CCDC7: variants seen among roughly 807,000 people sequenced by gnomAD.
CCDC7 encodes coiled-coil domain containing 7.
CCDC7 carries 183 observed loss-of-function variants against 196.9 expected under a neutral mutation model. The observed-to-expected ratio is 0.93, with a 90% CI of 0.82 to 1.05. The LOEUF is 1.05. Ranked by LOEUF, CCDC7 falls within the 50% of genes least tolerant of loss-of-function variation. CCDC7 has a pLI of 0.00. For missense variants in CCDC7, 1,540 were observed against 1,482.2 expected (o/e 1.04, Z -0.64); for synonymous variants, 525 against 484.6 (o/e 1.08, Z -1.10).
intron 13 of CCDC7, among the ~76,000 whole-genome samples, chr10:32,557,535 AT>A (rs1174730350): frequency 1.3e-5 from 2 of 152,092 alleles, no homozygotes; most frequent in Non-Finnish European, 1.5e-5. Context: ...GTTAAAAAAA[AT>A]CTTTGTTGTT....
chr10:32,480,613 T>C (rs1207297338), intron 8 of CCDC7, among the ~76,000 whole-genome samples: 1 of 152,084 alleles, frequency 6.6e-6, no homozygotes, highest in Non-Finnish European at 1.5e-5. Context: ...GATTTTCTTT[T>C]TGACCCATTG....
chr10:32,755,880 A>T (rs2076357277), intron 28 of CCDC7, among the ~76,000 whole-genome samples: 2 of 152,202 alleles, frequency 1.3e-5, no homozygotes, highest in South Asian at 4.1e-4. Context: ...ACGAATGGCT[A>T]ACTAGAATAA....
intron 19 of CCDC7, among the ~76,000 whole-genome samples, 195 bp from the exon 21 acceptor site, chr10:32,634,862 G>C (rs543626885): frequency 2.0e-5 from 3 of 152,288 alleles, no homozygotes; most frequent in South Asian, 4.1e-4. Context: ...TATTTGCATA[G>C]TCAGTGACTA....
intron 18 of CCDC7, among the ~76,000 whole-genome samples, chr10:32,584,701 C>T (rs530585488): frequency 1.2e-4 from 16 of 132,902 alleles, no homozygotes; most frequent in African/African-American, 3.9e-4. Flanking sequence ...TGCAGTGAGC[C>T]GAGATCACGC....
chr10:32,500,543 G>A (rs2043812438), intron 9 of CCDC7, among the ~76,000 whole-genome samples: 2 of 151,572 alleles, frequency 1.3e-5, no homozygotes, highest in African/African-American at 2.4e-5. Context: ...GCTAGGAAGA[G>A]GTGCTCCTCA....
chr10:32,515,300 A>G (rs1024028741), intron 9 of CCDC7, among the ~76,000 whole-genome samples: 2 of 152,332 alleles, frequency 1.3e-5, no homozygotes, highest in East Asian at 1.9e-4. Flanking sequence ...TAGAAGACTC[A>G]TACTTAACTG....
At chr10:32,628,797 T>C (rs1274184545) in intron 18 of CCDC7, among the ~76,000 whole-genome samples, 1 of 152,122 alleles carries the variant, frequency 6.6e-6, no homozygotes, top group Non-Finnish European at 1.5e-5. Flanking sequence ...TTTCCATGTA[T>C]TTGTGAATTT....
intron 2 of CCDC7, among the ~76,000 whole-genome samples, chr10:32,454,416 C>T (rs952338729): frequency 5.3e-5 from 8 of 151,972 alleles, no homozygotes; most frequent in Non-Finnish European, 1.0e-4. Flanking sequence ...ACTGGGATGA[C>T]TAGAGGTGGG....
chr10:32,523,191 A>G (rs1029632869), intron 11 of CCDC7, among the ~76,000 whole-genome samples: 1 of 152,186 alleles, frequency 6.6e-6, no homozygotes, highest in African/African-American at 2.4e-5. Context: ...GTTCTGTAGT[A>G]CAGATTAAGT....
At chr10:32,467,254 A>G (rs901462520) in intron 5 of CCDC7, among the ~76,000 whole-genome samples, 1 of 143,716 alleles carries the variant, frequency 7.0e-6, no homozygotes, top group Non-Finnish European at 1.5e-5. Flanking sequence ...GGTGTATGCC[A>G]CCATGCCCGG....
At chr10:32,543,344 A>G (rs1181580976) in exon 12 of CCDC7, 1 of 1,463,956 alleles carries the variant, frequency 6.8e-7, no homozygotes, top group Non-Finnish European at 9.2e-7. Context: ...CTGTGAAAAC[A>G]GTGAAGAAAA....
At chr10:32,555,086 A>G (rs11008974) in intron 13 of CCDC7, among the ~76,000 whole-genome samples, 15,975 of 151,936 alleles carry the variant, frequency 0.11, 1,038 homozygotes, top group South Asian at 0.25. Flanking sequence ...TTCTTTATTC[A>G]TTTGTCTGTT....
intron 8 of CCDC7, among the ~76,000 whole-genome samples, chr10:32,490,239 T>G (rs190934663): frequency 2.1e-4 from 32 of 152,364 alleles, no homozygotes; most frequent in African/African-American, 7.2e-4. Flanking sequence ...AAGGCCACTT[T>G]CATCCATGGA....
At chr10:32,750,784 C>G (rs1185897421) in intron 28 of CCDC7, among the ~76,000 whole-genome samples, 1 of 152,096 alleles carries the variant, frequency 6.6e-6, no homozygotes, top group East Asian at 1.9e-4. Context: ...CTTTGTTTGG[C>G]CTTCAATATT....
chr10:32,769,382 G>T (rs1932506), intron 28 of CCDC7, among the ~76,000 whole-genome samples: 21,819 of 127,672 alleles, frequency 0.17, 1,902 homozygotes, highest in African/African-American at 0.26. Flanking sequence ...TGTTTACTTG[G>T]ATTTTTTTTT....
At chr10:32,768,625 G>T (rs1057451093) in intron 28 of CCDC7, among the ~76,000 whole-genome samples, 1 of 151,960 alleles carries the variant, frequency 6.6e-6, no homozygotes, top group Non-Finnish European at 1.5e-5. Flanking sequence ...TAACTTTTGT[G>T]TGTTTAGTAC....
chr10:32,444,646 T>C (rs1295595587), upstream of CCDC7, among the ~76,000 whole-genome samples: 1 of 152,222 alleles, frequency 6.6e-6, no homozygotes, highest in Non-Finnish European at 1.5e-5. Context: ...TTCCTATCCC[T>C]TTCATTTACA....
intron 28 of CCDC7, among the ~76,000 whole-genome samples, chr10:32,767,563 C>T (rs2078512898): frequency 6.6e-6 from 1 of 151,904 alleles, no homozygotes; most frequent in South Asian, 2.1e-4. Flanking sequence ...CCTCTCCTCC[C>T]TGCAGGAACA....
In CCDC7 at chr10:32,806,178, G is replaced by C. The variant is rs576681868; in HGVS notation, c.3097+1080G>C. Among the ~76,000 whole-genome samples, 8 of 152,208 alleles carry C rather than the reference G, an allele frequency of 5.3e-5. 1 individual carries two copies. Among genetic ancestry groups the C allele is most frequent in the Admixed American group, 5.2e-4 (8 of 15,290 alleles). On this transcript the variant is annotated intron_variant, in intron 30 of 41. Coordinates refer to ENST00000639629, the Ensembl canonical transcript of CCDC7. ...AAAACATACAAACCATATCACAGGG[G>C]AAAGAGTTTTCGGTAAAATAATCAA...
Sources: allele counts gnomAD v4.1 joint callset (sites outside exome capture counted in the v4.1 genomes callset), GRCh38; gene constraint gnomAD v4.1.1; transcripts MANE v1.5; gene names NCBI Gene and HGNC (gene_info 2026-07-23, HGNC 2026-07-21).